Variants in CFAP299 observed in about 807,000 individuals in gnomAD.
CFAP299 encodes cilia- and flagella-associated protein 299.
Under a neutral mutation model 27.0 loss-of-function variants are expected in CFAP299, and 21 were observed. The observed-to-expected ratio is 0.78, with a 90% CI of 0.55 to 1.12. The LOEUF (loss-of-function observed/expected upper bound fraction) is 1.12. Ranked by LOEUF, CFAP299 falls within the 50% of genes most tolerant of loss-of-function variation. The pLI is 0.00. For synonymous variants in CFAP299, 104 were observed against 98.1 expected (o/e 1.06, Z -0.36); for missense variants, 310 against 276.6 (o/e 1.12, Z -0.86).
intron 1 of CFAP299, 112 bp downstream of exon 1, chr4:80,335,991 C>T: frequency 5.7e-6 from 4 of 702,322 alleles, no homozygotes; most frequent in South Asian, 3.2e-5. Flanking sequence ...AGCTGTCAGG[C>T]GCCGCGGTTT....
chr4:80,407,540 A>T (rs1451945726), intron 2 of CFAP299, among the ~76,000 whole-genome samples: 1 of 152,176 alleles, frequency 6.6e-6, no homozygotes, highest in Admixed American at 6.6e-5. Flanking sequence ...CAGGGATCTA[A>T]TGGAGAAAGG....
intron 3 of CFAP299, among the ~76,000 whole-genome samples, chr4:80,716,566 T>A (rs745543092): frequency 5.9e-5 from 9 of 152,078 alleles, no homozygotes; most frequent in Admixed American, 2.6e-4. Flanking sequence ...TTTGTATGCA[T>A]CGTTGTTCTT....
At chr4:80,668,262 C>T (rs1266423074) in intron 3 of CFAP299, among the ~76,000 whole-genome samples, 1 of 151,556 alleles carries the variant, frequency 6.6e-6, no homozygotes, top group African/African-American at 2.4e-5. Context: ...TGGATTGTCT[C>T]TTCACTTTGT....
chr4:80,829,987 A>G (rs1730209340), intron 3 of CFAP299, among the ~76,000 whole-genome samples: 1 of 152,078 alleles, frequency 6.6e-6, no homozygotes, highest in Admixed American at 6.6e-5. Flanking sequence ...GATGAAAATA[A>G]CTGTAGAGAT....
At chr4:80,772,729 A>G (rs1726292093) in intron 3 of CFAP299, among the ~76,000 whole-genome samples, 1 of 151,698 alleles carries the variant, frequency 6.6e-6, no homozygotes, top group Admixed American at 6.6e-5. Context: ...CCGCCTCCCA[A>G]AAGGCCCCGG....
chr4:80,948,659 G>A (rs1313003219), intron 5 of CFAP299, among the ~76,000 whole-genome samples: 4 of 151,834 alleles, frequency 2.6e-5, no homozygotes, highest in Non-Finnish European at 5.9e-5. Context: ...GAGAGAGAGA[G>A]ATTGTATACA....
At chr4:80,435,874 G>A (rs1355692414) in intron 2 of CFAP299, among the ~76,000 whole-genome samples, 2 of 152,120 alleles carry the variant, frequency 1.3e-5, no homozygotes, top group African/African-American at 2.4e-5. Context: ...CTTGAGTATT[G>A]TGTGTGCTGG....
At chr4:80,462,839 A>T (rs958802836) in intron 2 of CFAP299, among the ~76,000 whole-genome samples, 2 of 152,132 alleles carry the variant, frequency 1.3e-5, no homozygotes, top group Admixed American at 6.6e-5. Flanking sequence ...TTCCTCAATG[A>T]ATGACAAAGT....
chr4:80,452,603 A>G (rs1328233648), intron 2 of CFAP299, among the ~76,000 whole-genome samples: 2 of 152,182 alleles, frequency 1.3e-5, no homozygotes, highest in African/African-American at 4.8e-5. Flanking sequence ...AGCTAAAGCC[A>G]CTATTGTTAA....
intron 3 of CFAP299, among the ~76,000 whole-genome samples, chr4:80,778,925 C>T (rs1224864236): frequency 1.3e-5 from 2 of 151,984 alleles, no homozygotes; most frequent in African/African-American, 4.8e-5. Context: ...TGTAAATTAA[C>T]CCACAAATTT....
At chr4:80,763,586 A>T (rs1376503327) in intron 3 of CFAP299, among the ~76,000 whole-genome samples, 1 of 152,204 alleles carries the variant, frequency 6.6e-6, no homozygotes, top group African/African-American at 2.4e-5. Context: ...GACTTTCTTC[A>T]CAGGACTAGA....
chr4:80,824,821 C>T (rs2110126836), intron 3 of CFAP299, among the ~76,000 whole-genome samples: 1 of 152,128 alleles, frequency 6.6e-6, no homozygotes, highest in Admixed American at 6.5e-5. Context: ...TCTCTAGTTT[C>T]AACACATCAT....
At chr4:80,510,234 GTTAA>G (rs780786559) in intron 2 of CFAP299, among the ~76,000 whole-genome samples, 10 of 152,088 alleles carry the variant, frequency 6.6e-5, no homozygotes, top group Non-Finnish European at 1.2e-4. Context: ...TGCACTACAA[GTTAA>G]TTGTCATCTG....
chr4:80,641,236 G>A (rs6845634), intron 3 of CFAP299, among the ~76,000 whole-genome samples: 94,399 of 151,902 alleles, frequency 0.62, 32,643 homozygotes, highest in Non-Finnish European at 0.77. Context: ...ACAGAGTCTT[G>A]CTGTGTCACC....
chr4:80,661,309 G>T (rs1232513426), intron 3 of CFAP299, among the ~76,000 whole-genome samples: 1 of 139,912 alleles, frequency 7.1e-6, no homozygotes, highest in Non-Finnish European at 1.5e-5. Context: ...CTGGGTGACA[G>T]AGCACAACTC....
At chr4:80,651,599 A>G (rs1193496488) in intron 3 of CFAP299, among the ~76,000 whole-genome samples, 1 of 151,886 alleles carries the variant, frequency 6.6e-6, no homozygotes, top group Non-Finnish European at 1.5e-5. Context: ...TCCAGAGCAC[A>G]AATGATCCTC....
intron 4 of CFAP299, among the ~76,000 whole-genome samples, chr4:80,928,102 C>T (rs1736392922): frequency 6.6e-6 from 1 of 152,118 alleles, no homozygotes; most frequent in Admixed American, 6.6e-5. Context: ...GAGAAGGAAG[C>T]GTCTCTCCCC....
intron 4 of CFAP299, among the ~76,000 whole-genome samples, chr4:80,937,332 T>G (rs1736960672): frequency 7.5e-6 from 1 of 133,296 alleles, no homozygotes; most frequent in Non-Finnish European, 1.5e-5. Flanking sequence ...TTTTTTTTTT[T>G]TTGAGACAGG....
chr4:80,670,463 C>T (rs936212796), intron 3 of CFAP299, among the ~76,000 whole-genome samples: 3 of 152,110 alleles, frequency 2.0e-5, no homozygotes. Context: ...GTGCATGTGT[C>T]TTTATAGTAG....
Sources: allele counts gnomAD v4.1 joint callset (sites outside exome capture counted in the v4.1 genomes callset), GRCh38; gene constraint gnomAD v4.1.1; transcripts MANE v1.5; gene names NCBI Gene and HGNC (gene_info 2026-07-23, HGNC 2026-07-21).